BMPR2: variants seen among roughly 807,000 people sequenced by gnomAD.
The protein encoded by BMPR2 is bone morphogenetic protein receptor type 2, also known as bone morphogenetic protein receptor type-2.
In BMPR2, 29 loss-of-function variants were observed where a neutral mutation model predicts 100.8. The ratio of observed to expected loss-of-function variants is 0.29; its 90% CI spans 0.21 to 0.39. The LOEUF (loss-of-function observed/expected upper bound fraction) is 0.39, where lower values mean the gene tolerates loss of function less well. BMPR2 is among the 10% of genes least tolerant of loss of function. BMPR2 has a pLI of 1.00. For synonymous variants in BMPR2, 382 were observed against 442.3 expected (o/e 0.86, Z 1.71); for missense variants, 1,011 against 1,274.5 (o/e 0.79, Z 3.15).
At position 202,532,113 on chromosome 2, in the gene BMPR2, A is replaced by AT. The variant is rs1188737448; in HGVS notation, c.1129-463dup. On this transcript the variant is annotated intron_variant, in intron 8 of 12. Coordinates refer to ENST00000374580, the MANE Select transcript of BMPR2 (RefSeq NM_001204.7). This position sits in a 1 kb window ranked among gnomAD's most constrained non-coding sequence, Gnocchi z 4.1. ...CACCACCATGCCTGGTTAATTTTTTATTTTTTTTTAGTAGAGACGGGGTTT... is the reference window on the plus strand; with the variant it reads ...CACCACCATGCCTGGTTAATTTTTTATTTTTTTTTTAGTAGAGACGGGGTTT... Among the ~76,000 whole-genome samples the AT allele has an allele frequency of 3.1e-4, 45 of 143,526 alleles. No individual in the cohort carries two copies. The highest frequency in any genetic ancestry group is 3.9e-3 in the Middle Eastern group (1 of 256). The allele number at this position is 143,526 out of a possible 152,430, so 94.2% of individuals were successfully genotyped here. A position where few individuals can be genotyped will look rare whatever the true frequency, so the allele number is the denominator to read the frequency against.
chr2:202,499,550 A>G (rs561452921), intron 3 of BMPR2, among the ~76,000 whole-genome samples: 2 of 152,332 alleles, frequency 1.3e-5, no homozygotes, highest in East Asian at 3.9e-4. Context: ...GATGTCCACC[A>G]TAAATCAGGG....
chr2:202,535,110 G>T (rs1362070754), intron 9 of BMPR2, among the ~76,000 whole-genome samples: 1 of 139,098 alleles, frequency 7.2e-6, no homozygotes, highest in Non-Finnish European at 1.6e-5. Flanking sequence ...CCTCCCGGAC[G>T]GGGCGGCTGG....
chr2:202,377,621 C>G, intron 1 of BMPR2, 71 bp downstream of exon 1: 1 of 1,551,812 alleles, frequency 6.4e-7, no homozygotes, highest in South Asian at 1.1e-5. Context: ...CCGCAGAGGC[C>G]GAGGCCTGTG....
intron 1 of BMPR2, among the ~76,000 whole-genome samples, chr2:202,449,580 C>G (rs1204767196): frequency 8.5e-5 from 13 of 152,158 alleles, no homozygotes; most frequent in Admixed American, 8.5e-4. Flanking sequence ...AAGTATGCCT[C>G]TGTGACCCAT....
rs1318240150 is a variant in BMPR2, at chr2:202,403,970, A to C, written c.76+26420A>C. ...TGGTGAGCCGAGATTGTGCTATTGC[A>C]CTATAGCCTGGACAACAACAGCAAA... On this transcript the variant is annotated intron_variant, in intron 1 of 12. Transcript: ENST00000374580. Among the ~76,000 whole-genome samples, 4 of 151,176 alleles carry C rather than the reference A, an allele frequency of 2.6e-5. No individual in the cohort carries two copies. In the South Asian group the frequency reaches 6.3e-4, roughly 24 times the overall value.
At chr2:202,435,439 T>G (rs1429780094) in intron 1 of BMPR2, among the ~76,000 whole-genome samples, 1 of 144,248 alleles carries the variant, frequency 6.9e-6, no homozygotes, top group Non-Finnish European at 1.5e-5. Context: ...TATGTTCGTG[T>G]TTTAAGCTAA....
intron 1 of BMPR2, among the ~76,000 whole-genome samples, chr2:202,423,670 G>T (rs1047434571): frequency 1.3e-5 from 2 of 152,146 alleles, no homozygotes; most frequent in Admixed American, 6.5e-5. Context: ...CAGGGGTATC[G>T]TTTCAGCCAG....
chr2:202,502,394 CAAA>C (rs1687412471), intron 3 of BMPR2, among the ~76,000 whole-genome samples: 1 of 151,078 alleles, frequency 6.6e-6, no homozygotes, highest in East Asian at 1.9e-4. Context: ...AGAGAAGAGA[CAAA>C]GAAGTCAGAA....
intron 1 of BMPR2, among the ~76,000 whole-genome samples, chr2:202,449,313 A>G (rs892675435): frequency 5.5e-5 from 3 of 54,714 alleles, no homozygotes; most frequent in Non-Finnish European, 1.5e-4. Flanking sequence ...CATCTCAAAT[A>G]AATAAATAAA....
At chr2:202,498,130 G>A (rs998583294) in intron 3 of BMPR2, among the ~76,000 whole-genome samples, 5 of 152,180 alleles carry the variant, frequency 3.3e-5, no homozygotes, top group African/African-American at 1.2e-4. Flanking sequence ...CATCTTTATA[G>A]GACAGGGGTA....
chr2:202,514,324 G>A (rs1408935237), intron 4 of BMPR2, among the ~76,000 whole-genome samples: 4 of 152,112 alleles, frequency 2.6e-5, no homozygotes, highest in Non-Finnish European at 5.9e-5. Context: ...TTTTAGTAGA[G>A]ACGGGGTTTC....
intron 1 of BMPR2, among the ~76,000 whole-genome samples, chr2:202,425,313 G>A (rs1052085490): frequency 6.6e-6 from 1 of 152,202 alleles, no homozygotes; most frequent in Non-Finnish European, 1.5e-5. Context: ...CATGGTTGGA[G>A]AGGATTTATG....
chr2:202,440,924 T>C (rs1015841388), intron 1 of BMPR2, among the ~76,000 whole-genome samples: 6 of 150,600 alleles, frequency 4.0e-5, no homozygotes, highest in Non-Finnish European at 1.5e-5. Context: ...ATTAAGACAT[T>C]AAATACACAT....
At chr2:202,391,038 G>T (rs1690537899) in intron 1 of BMPR2, among the ~76,000 whole-genome samples, 1 of 132,096 alleles carries the variant, frequency 7.6e-6, no homozygotes, top group African/African-American at 2.9e-5. Flanking sequence ...TGTTGCCCAG[G>T]CTGGGGTGCA....
At chr2:202,541,975 G>A (rs760194121) in intron 9 of BMPR2, among the ~76,000 whole-genome samples, 2 of 152,028 alleles carry the variant, frequency 1.3e-5, no homozygotes, top group East Asian at 1.9e-4. Context: ...GCTGGACGTG[G>A]TGGTGTGCGC....
chr2:202,426,237 A>G (rs551691282), intron 1 of BMPR2, among the ~76,000 whole-genome samples: 56 of 152,338 alleles, frequency 3.7e-4, no homozygotes, highest in Admixed American at 5.9e-4. Flanking sequence ...AGCAAGAAAT[A>G]AACTTCTGTT....
chr2:202,468,344 T>G (rs564195831), intron 3 of BMPR2, among the ~76,000 whole-genome samples: 1 of 152,204 alleles, frequency 6.6e-6, no homozygotes, highest in South Asian at 2.1e-4. Flanking sequence ...CCAGGCGTGG[T>G]GGTGCGCATG....
intron 3 of BMPR2, among the ~76,000 whole-genome samples, chr2:202,490,795 G>A (rs916581185): frequency 4.6e-5 from 7 of 152,194 alleles, no homozygotes; most frequent in African/African-American, 1.7e-4. Flanking sequence ...TAGAGATCAA[G>A]TACCAGCAAC....
chr2:202,466,679 A>G (rs910011968), intron 2 of BMPR2, among the ~76,000 whole-genome samples: 1 of 151,634 alleles, frequency 6.6e-6, no homozygotes, highest in African/African-American at 2.4e-5. Flanking sequence ...TGGCACATTC[A>G]TGGCTCACTG....
Sources: gnomAD v4.1 joint callset for allele counts (sites outside exome capture counted in the v4.1 genomes callset) on GRCh38, gnomAD v4.1.1 for gene constraint, Gnocchi (gnomAD v3.1) non-coding constraint, MANE v1.5 for transcripts, NCBI Gene and HGNC (gene_info 2026-07-23, HGNC 2026-07-21) for gene names.